Variants in THSD4 observed in about 807,000 individuals in gnomAD.
The protein encoded by THSD4 is thrombospondin type-1 domain-containing protein 4.
Under a neutral mutation model 119.0 loss-of-function variants are expected in THSD4, and 69 were observed. That is an observed-to-expected ratio of 0.58 (90% CI 0.48 to 0.71). The LOEUF (loss-of-function observed/expected upper bound fraction) is 0.71, where lower values mean the gene tolerates loss of function less well. Ranked by LOEUF, THSD4 falls within the 30% of genes least tolerant of loss-of-function variation. The pLI, the probability that THSD4 is intolerant of heterozygous loss-of-function variation, is 0.00. For synonymous variants in THSD4, 524 were observed against 540.4 expected (o/e 0.97, Z 0.42); for missense variants, 1,393 against 1,391.1 (o/e 1.00, Z -0.02).
At chr15:71,403,957 C>T (rs1055050601) in intron 6 of THSD4, among the ~76,000 whole-genome samples, 1 of 152,080 alleles carries the variant, frequency 6.6e-6, no homozygotes, top group African/African-American at 2.4e-5. Flanking sequence ...AGGGAAAGAT[C>T]AAATCCCAGT....
intron 7 of THSD4, among the ~76,000 whole-genome samples, chr15:71,507,512 C>A (rs1180263438): frequency 6.6e-6 from 1 of 152,126 alleles, no homozygotes; most frequent in Non-Finnish European, 1.5e-5. Flanking sequence ...TCAGATCTTC[C>A]CCTTCTGGTA....
rs201175640 is a variant in THSD4, at chr15:71,242,669, T to C, written c.485T>C (p.Ile162Thr). Reference protein sequence around the residue: ...GDRRSRTRGTIGPGKYGYGKA... With the variant: ...GDRRSRTRGTTGPGKYGYGKA... ...TTTAGGAGCAGGACCCGTGGTACCA[T>C]TGGCCCTGGCAAGTATGGCTATGGT... Residue 162 changes from isoleucine to threonine, a missense_variant, in exon 5 of 18, where the codon ATT becomes ACT. Transcript: ENST00000261862. 17 of 1,613,942 alleles carry C rather than the reference T, an allele frequency of 1.1e-5. No homozygotes were observed. Among genetic ancestry groups the C allele is most frequent in the East Asian group, 6.7e-5 (3 of 44,886 alleles).
intron 6 of THSD4, among the ~76,000 whole-genome samples, chr15:71,322,533 C>T (rs1263766748): frequency 6.6e-6 from 1 of 152,144 alleles, no homozygotes; most frequent in East Asian, 1.9e-4. Context: ...AACCTAGTGG[C>T]TTAAAAACAG....
intron 7 of THSD4, among the ~76,000 whole-genome samples, chr15:71,535,591 A>G (rs984673661): frequency 2.6e-5 from 4 of 152,194 alleles, no homozygotes; most frequent in Non-Finnish European, 5.9e-5. Flanking sequence ...CACTAGTAGT[A>G]TGTAAGATTT....
chr15:71,555,785 A>G (rs1196389360), intron 7 of THSD4, among the ~76,000 whole-genome samples: 3 of 152,200 alleles, frequency 2.0e-5, no homozygotes, highest in Non-Finnish European at 4.4e-5. Flanking sequence ...GTTTTTATAC[A>G]CTTAGAGTTA....
chr15:71,431,085 G>T (rs2046938098), intron 7 of THSD4, among the ~76,000 whole-genome samples: 1 of 152,096 alleles, frequency 6.6e-6, no homozygotes, highest in Non-Finnish European at 1.5e-5. Context: ...TAGAGAGAAA[G>T]GCAAATGTTT....
At chr15:71,732,862 C>A (rs1256950526) in intron 10 of THSD4, 3 of 152,192 alleles carry the variant, frequency 2.0e-5, no homozygotes, top group African/African-American at 7.2e-5. Flanking sequence ...CCCATCCATT[C>A]TTCTCTGAAC....
chr15:71,273,764 C>T (rs1319619999), intron 6 of THSD4, among the ~76,000 whole-genome samples: 1 of 152,194 alleles, frequency 6.6e-6, no homozygotes, highest in Non-Finnish European at 1.5e-5. Context: ...TCCGAGGAAG[C>T]AAGCCAGACA....
intron 3 of THSD4, among the ~76,000 whole-genome samples, chr15:71,198,882 A>G (rs558585093): frequency 6.6e-6 from 1 of 152,362 alleles, no homozygotes; most frequent in South Asian, 2.1e-4. Flanking sequence ...AATCAGAGCG[A>G]CATTCCTTTT....
intron 6 of THSD4, among the ~76,000 whole-genome samples, chr15:71,333,111 GAGA>G (rs35660299): frequency 0.012 from 1,877 of 151,872 alleles, 21 homozygotes; most frequent in Non-Finnish European, 0.02. Context: ...ATGCTTAGGT[GAGA>G]AGGACATCTT....
intron 3 of THSD4, among the ~76,000 whole-genome samples, chr15:71,199,663 G>A (rs2043763124): frequency 1.9e-5 from 2 of 103,176 alleles, no homozygotes; most frequent in South Asian, 3.3e-4. Context: ...TGTGTGTGAT[G>A]CATGTGTGGA....
chr15:71,164,205 G>A (rs1161883533), intron 3 of THSD4, among the ~76,000 whole-genome samples: 2 of 151,208 alleles, frequency 1.3e-5, no homozygotes, highest in Non-Finnish European at 2.9e-5. Flanking sequence ...CTATATGAAA[G>A]GATAAACACT....
chr15:71,561,804 G>A (rs1483802680), intron 7 of THSD4, among the ~76,000 whole-genome samples: 2 of 151,836 alleles, frequency 1.3e-5, no homozygotes, highest in African/African-American at 4.8e-5. Flanking sequence ...AGAAGGAAGG[G>A]CTGGGAAGTC....
chr15:71,325,866 T>G (rs2140366040), intron 6 of THSD4, among the ~76,000 whole-genome samples: 1 of 152,366 alleles, frequency 6.6e-6, no homozygotes, highest in Non-Finnish European at 1.5e-5. Flanking sequence ...CTATAGGTTA[T>G]GATAACATCA....
At position 71,215,115 on chromosome 15, in the gene THSD4, C is replaced by A; in HGVS notation, c.180C>A (p.Gly60=). The change falls in exon 4 of 18, where the codon GGC becomes GGA. Residue 60 remains glycine (G), a synonymous_variant. Coordinates refer to ENST00000261862, the MANE Select transcript of THSD4 (RefSeq NM_024817.3). ...CCCCGGGAGTGTGGGGCGCCTGGGGCCCCTGGTCGGCCTGCTCGCGTAGCT... is the reference window on the plus strand; with the variant it reads ...CCCCGGGAGTGTGGGGCGCCTGGGGACCCTGGTCGGCCTGCTCGCGTAGCT... ...GGAPGVWGAW[G]PWSACSRSCS... is the part of the protein sequence containing the mutation. 1 of 1,351,432 alleles carries A rather than the reference C, an allele frequency of 7.4e-7. No homozygotes were observed. The highest frequency in any genetic ancestry group is 1.9e-5 in the South Asian group (1 of 53,310). The allele number at this position is 1,351,432 out of a possible 1,614,324, so 83.7% of individuals were successfully genotyped here.
chr15:71,506,993 C>G (rs2048199788), intron 7 of THSD4, among the ~76,000 whole-genome samples: 1 of 152,246 alleles, frequency 6.6e-6, no homozygotes, highest in South Asian at 2.1e-4. Context: ...TTCAACAGGA[C>G]AAACACATAC....
chr15:71,682,920 C>CCTTTTT (rs1491520473), intron 8 of THSD4, among the ~76,000 whole-genome samples: 4 of 53,522 alleles, frequency 7.5e-5, no homozygotes, highest in African/African-American at 1.9e-4. Context: ...TCTTCTTCTT[C>CCTTTTT]TTTTTTTTTT....
At chr15:71,749,830 C>T (rs2053414840) in intron 14 of THSD4, among the ~76,000 whole-genome samples, 1 of 151,892 alleles carries the variant, frequency 6.6e-6, no homozygotes, top group African/African-American at 2.4e-5. Flanking sequence ...AGCAATCCTC[C>T]TGCCTCAGCA....
intron 7 of THSD4, chr15:71,547,398 C>T (rs2048853377): frequency 3.2e-6 from 5 of 1,550,322 alleles, no homozygotes; most frequent in Non-Finnish European, 4.4e-6. Flanking sequence ...GTAGTTCTAA[C>T]TTTGGGTAAT....
Sources: allele counts gnomAD v4.1 joint callset (sites outside exome capture counted in the v4.1 genomes callset), GRCh38; gene constraint gnomAD v4.1.1; transcripts MANE v1.5; gene names NCBI Gene and HGNC (gene_info 2026-07-23, HGNC 2026-07-21).